PCDH11X: variants seen among roughly 807,000 people sequenced by gnomAD.
PCDH11X encodes protocadherin 11 X-linked.
Under a neutral mutation model 53.3 loss-of-function variants are expected in PCDH11X, and 18 were observed. That is an observed-to-expected ratio of 0.34 (90% CI 0.23 to 0.50). PCDH11X has a LOEUF of 0.50. Among genes scored for constraint, PCDH11X ranks in the 20% least tolerant of loss-of-function variants. PCDH11X has a pLI of 0.98. For synonymous variants in PCDH11X, 279 were observed against 393.3 expected, an observed-to-expected ratio of 0.71 and a Z score of 3.44; for missense variants, 570 against 1,032.4, an observed-to-expected ratio of 0.55 and a Z score of 6.14.
chrX:92,182,034 G>T (rs2066005555), intron 6 of PCDH11X, among the ~76,000 whole-genome samples: 2 of 112,035 alleles, frequency 1.8e-5, no homozygotes, highest in Admixed American at 9.5e-5. Context: ...TGTGTACCTG[G>T]AAAAGCCACG....
chrX:92,098,543 T>C (rs1345944134), intron 6 of PCDH11X, among the ~76,000 whole-genome samples: 49 of 110,502 alleles, frequency 4.4e-4, no homozygotes, highest in Non-Finnish European at 3.8e-5. Context: ...ATCTCATCCA[T>C]GGTTAAAGCA....
chrX:92,463,066 TTC>T (rs1417820954), intron 9 of PCDH11X, among the ~76,000 whole-genome samples: 1 of 107,684 alleles, frequency 9.3e-6, no homozygotes, highest in Non-Finnish European at 1.9e-5. Flanking sequence ...ATTGGCTAGA[TTC>T]TCTTTATATA....
At chrX:92,574,003 G>A (rs1173502333) in intron 10 of PCDH11X, among the ~76,000 whole-genome samples, 1 of 109,056 alleles carries the variant, frequency 9.2e-6, no homozygotes, top group African/African-American at 3.3e-5. Flanking sequence ...TATTTACAAT[G>A]CATAAATCCT....
chrX:91,964,311 A>G (rs1249105148), intron 6 of PCDH11X, among the ~76,000 whole-genome samples: 1 of 110,465 alleles, frequency 9.1e-6, no homozygotes, highest in South Asian at 3.9e-4. Flanking sequence ...AAAGAATTCT[A>G]AAATTCATAT....
At chrX:92,535,502 C>G (rs1470152127) in intron 10 of PCDH11X, among the ~76,000 whole-genome samples, 1 of 110,670 alleles carries the variant, frequency 9.0e-6, no homozygotes, top group Non-Finnish European at 1.9e-5. Context: ...AGGGGAAAAA[C>G]AGACACCGGG....
chrX:92,304,457 A>G (rs1384674786), intron 8 of PCDH11X, among the ~76,000 whole-genome samples: 1 of 111,969 alleles, frequency 8.9e-6, no homozygotes, highest in African/African-American at 3.2e-5. Flanking sequence ...AGAACCACTC[A>G]ATGATATAAA....
intron 7 of PCDH11X, among the ~76,000 whole-genome samples, chrX:92,244,334 T>C (rs1304085717): frequency 9.3e-6 from 1 of 108,034 alleles, no homozygotes; most frequent in African/African-American, 3.4e-5. Flanking sequence ...TACAATTTTC[T>C]GTAATTTTCA....
At chrX:91,967,266 C>A (rs2061879120) in intron 6 of PCDH11X, among the ~76,000 whole-genome samples, 2 of 109,982 alleles carry the variant, frequency 1.8e-5, no homozygotes, top group African/African-American at 6.6e-5. Context: ...AGACAGGGGT[C>A]CCCAAACCGT....
At chrX:92,129,558 A>G (rs1031212005) in intron 6 of PCDH11X, among the ~76,000 whole-genome samples, 1 of 112,454 alleles carries the variant, frequency 8.9e-6, no homozygotes, top group Admixed American at 9.4e-5. Flanking sequence ...AATGAAATCC[A>G]AAGAAGCGGT....
intron 10 of PCDH11X, among the ~76,000 whole-genome samples, chrX:92,614,853 T>C (rs1012661936): frequency 9.0e-6 from 1 of 111,692 alleles, no homozygotes; most frequent in Admixed American, 9.5e-5. Context: ...TCCACATGCC[T>C]AGAGATATGC....
chrX:92,055,737 T>C lies in PCDH11X; in HGVS notation c.3034-145638T>C, dbSNP rs777185002. ...TCACCATCTGATAGGCCCCAGTGTG[T>C]GCTGTCCCCTCTATGTGTCAGTGTG... On this transcript the variant is annotated intron_variant, in intron 6 of 10. Coordinates refer to ENST00000682573, the MANE Select transcript of PCDH11X (RefSeq NM_032968.5). Among the ~76,000 whole-genome samples, 4 of 110,585 alleles carry C rather than the reference T, an allele frequency of 3.6e-5. No individual in the cohort carries two copies. The South Asian group carries it at 1.6e-3, about 43-fold the overall frequency.
At chrX:92,330,095 C>T (rs1430490825) in intron 8 of PCDH11X, among the ~76,000 whole-genome samples, 1 of 109,526 alleles carries the variant, frequency 9.1e-6, no homozygotes, top group Non-Finnish European at 1.9e-5. Context: ...TCATGTAACC[C>T]ATAAGTATAT....
chrX:91,859,638 G>C lies in PCDH11X; in HGVS notation c.541-17143G>C, dbSNP rs774474678. Among the ~76,000 whole-genome samples, 620 of 108,009 alleles carry C rather than the reference G, an allele frequency of 5.7e-3. 5 individuals carry two copies. The highest frequency in any genetic ancestry group is 8.6e-3 in the Non-Finnish European group (450 of 52,212). 93.8% of individuals were successfully genotyped at this position (108,009 alleles called of 115,157 possible). A position where few individuals can be genotyped will look rare whatever the true frequency, so the allele number is the denominator to read the frequency against. ...CTATCTTGAGTTAATTTTGGTAAAA[G>C]GTGTAAGGAAGGGGTCCAATTTCAA... On this transcript the variant is annotated intron_variant, in intron 5 of 10. Coordinates refer to ENST00000682573, the MANE Select transcript of PCDH11X (RefSeq NM_032968.5).
intron 10 of PCDH11X, among the ~76,000 whole-genome samples, chrX:92,568,836 C>G (rs757254517): frequency 6.4e-4 from 71 of 110,940 alleles, no homozygotes; most frequent in African/African-American, 2.3e-3. Flanking sequence ...TTTTGTACGT[C>G]TTTAAAAATA....
intron 8 of PCDH11X, among the ~76,000 whole-genome samples, chrX:92,309,020 G>A (rs1186657277): frequency 8.1e-5 from 9 of 111,199 alleles, no homozygotes; most frequent in Non-Finnish European, 1.3e-4. Flanking sequence ...GATAATGGAA[G>A]CCTTGTGCAT....
At chrX:92,357,819 G>C (rs1441884370) in intron 8 of PCDH11X, among the ~76,000 whole-genome samples, 2 of 110,959 alleles carry the variant, frequency 1.8e-5, no homozygotes, top group Non-Finnish European at 3.8e-5. Flanking sequence ...TATCTTTTCA[G>C]TGTTATGTCT....
intron 6 of PCDH11X, among the ~76,000 whole-genome samples, chrX:92,148,896 T>A (rs1231727229): frequency 9.1e-6 from 1 of 110,052 alleles, no homozygotes; most frequent in Admixed American, 9.8e-5. Context: ...TTTGTTTAGA[T>A]AATTAATGCT....
At chrX:92,113,191 T>A in intron 6 of PCDH11X, 1 of 1,134,956 alleles carries the variant, frequency 8.8e-7, no homozygotes, top group Non-Finnish European at 1.2e-6. Flanking sequence ...CTGCTGCTCC[T>A]CAGCCCCCCG....
At chrX:91,848,773 C>G (rs1378433454) in intron 5 of PCDH11X, among the ~76,000 whole-genome samples, 2 of 111,369 alleles carry the variant, frequency 1.8e-5, no homozygotes, top group Admixed American at 9.6e-5. Context: ...TGCCTGTATC[C>G]TATTATAACA....
Sources: gnomAD v4.1 joint callset for allele counts (sites outside exome capture counted in the v4.1 genomes callset) on GRCh38, gnomAD v4.1.1 for gene constraint, MANE v1.5 for transcripts, NCBI Gene and HGNC (gene_info 2026-07-23, HGNC 2026-07-21) for gene names.